The following TPD52 variants were observed in gnomAD, a reference collection of about 807,000 sequenced individuals.
The protein encoded by TPD52 is tumor protein D52, also known as prostate and colon associated protein.
A neutral mutation model predicts 31.3 loss-of-function variants in TPD52; 17 were observed. The observed-to-expected ratio is 0.54, with a 90% CI of 0.37 to 0.82. The LOEUF (loss-of-function observed/expected upper bound fraction) is 0.82, where lower values mean the gene tolerates loss of function less well. TPD52 is among the 40% of genes least tolerant of loss of function. TPD52 has a pLI of 0.00. For missense variants in TPD52, 212 were observed against 240.1 expected, an observed-to-expected ratio of 0.88 and a Z score of 0.77; for synonymous variants, 83 against 89.6, an observed-to-expected ratio of 0.93 and a Z score of 0.42.
chr8:80,103,697 G>A (rs1193997451), intron 1 of TPD52, among the ~76,000 whole-genome samples: 2 of 152,158 alleles, frequency 1.3e-5, no homozygotes, highest in African/African-American at 2.4e-5. Context: ...TAACACTAGC[G>A]TCAAGTTCTC....
chr8:80,120,774 T>C (rs1397149756), intron 1 of TPD52, among the ~76,000 whole-genome samples: 1 of 152,152 alleles, frequency 6.6e-6, no homozygotes, highest in Non-Finnish European at 1.5e-5. Context: ...ATAATATTCA[T>C]TTGTCATTTA....
At chr8:80,073,389 C>T (rs1814153322) in intron 1 of TPD52, among the ~76,000 whole-genome samples, 1 of 152,186 alleles carries the variant, frequency 6.6e-6, no homozygotes, top group South Asian at 2.1e-4. Context: ...TTTCCAGGTC[C>T]CATTAGCTTA....
intron 1 of TPD52, among the ~76,000 whole-genome samples, chr8:80,127,351 C>T (rs1469344297): frequency 6.6e-6 from 1 of 152,126 alleles, no homozygotes; most frequent in African/African-American, 2.4e-5. Context: ...CGTTCACGTT[C>T]ATGTATATTT....
intron 1 of TPD52, among the ~76,000 whole-genome samples, chr8:80,081,586 G>A (rs1253355967): frequency 1.3e-5 from 2 of 151,826 alleles, no homozygotes; most frequent in African/African-American, 4.8e-5. Flanking sequence ...TAAAAAAAAA[G>A]AGCTCAGATA....
intron 1 of TPD52, among the ~76,000 whole-genome samples, chr8:80,150,299 C>T (rs534646294): frequency 2.4e-4 from 37 of 152,336 alleles, no homozygotes; most frequent in African/African-American, 6.5e-4. Context: ...TGTGTGGAAA[C>T]GCCTGGATGT....
downstream of TPD52, among the ~76,000 whole-genome samples, chr8:80,032,260 T>C (rs1809713690): frequency 6.6e-6 from 1 of 152,002 alleles, no homozygotes; most frequent in African/African-American, 2.4e-5. Context: ...TGAGAGGGAC[T>C]GTAAAGAACT....
chr8:80,092,605 T>C (rs1028709658), intron 1 of TPD52, among the ~76,000 whole-genome samples: 1 of 152,186 alleles, frequency 6.6e-6, no homozygotes, highest in Non-Finnish European at 1.5e-5. Context: ...AAATGAATCT[T>C]GTCATTTGCA....
intron 1 of TPD52, chr8:80,158,374 G>T (rs997887901): frequency 7.9e-5 from 12 of 152,098 alleles, no homozygotes; most frequent in African/African-American, 2.9e-4. Context: ...GATAATGGGG[G>T]TGAGGGAGAT....
chr8:80,086,995 C>T (rs1194138908), intron 1 of TPD52, among the ~76,000 whole-genome samples: 3 of 151,184 alleles, frequency 2.0e-5, no homozygotes, highest in Non-Finnish European at 2.9e-5. Context: ...TAGGGGCAGA[C>T]GCCATGATAT....
chr8:80,098,933 C>T (rs954879783), intron 1 of TPD52, among the ~76,000 whole-genome samples: 1 of 152,156 alleles, frequency 6.6e-6, no homozygotes, highest in Non-Finnish European at 1.5e-5. Context: ...CCTCCAGCAA[C>T]AAAAAACATT....
In TPD52 at chr8:80,042,878, T is replaced by A. The variant is rs1274594733; in HGVS notation, c.456-210A>T. 6.7e-6 allele frequency: 3 copies of A among 446,220 alleles called. No individual in the cohort carries two copies. The East Asian group carries it at 1.1e-4, about 16-fold the overall frequency. 27.6% of individuals were successfully genotyped at this position (446,220 alleles called of 1,614,324 possible). On this transcript the variant is annotated intron_variant, in intron 6 of 7. Transcript: ENST00000518937. ...AATATTTTAAGAGTATGCATTTGAT[T>A]CCATGAACAGGGCCAGTCTCAGACA... is the stretch of plus-strand genomic sequence containing the variant.
intron 1 of TPD52, chr8:80,080,587 C>T: frequency 9.3e-6 from 13 of 1,404,858 alleles, no homozygotes; most frequent in Non-Finnish European, 1.2e-5. Context: ...GAGGCCCTGG[C>T]TTCTGGGCCC....
chr8:80,145,009 T>G (rs527655951), intron 1 of TPD52, among the ~76,000 whole-genome samples: 1 of 152,218 alleles, frequency 6.6e-6, no homozygotes, highest in Non-Finnish European at 1.5e-5. Context: ...AATTCATTTC[T>G]ACACACCACA....
At chr8:80,145,801 C>G (rs1810151912) in intron 1 of TPD52, among the ~76,000 whole-genome samples, 1 of 152,126 alleles carries the variant, frequency 6.6e-6, no homozygotes, top group Non-Finnish European at 1.5e-5. Context: ...AGGGAAAAAA[C>G]CCACAGTGTT....
At chr8:80,157,699 A>G (rs777785286) in intron 1 of TPD52, among the ~76,000 whole-genome samples, 5 of 152,130 alleles carry the variant, frequency 3.3e-5, no homozygotes, top group African/African-American at 1.2e-4. Context: ...CATTACTACA[A>G]TTTCACCCAA....
intron 1 of TPD52, among the ~76,000 whole-genome samples, chr8:80,139,322 T>C (rs1586377255): frequency 6.6e-6 from 1 of 152,194 alleles, no homozygotes; most frequent in Non-Finnish European, 1.5e-5. Context: ...TTTTAGTATA[T>C]TCACAGAGTT....
At position 80,077,252 on chromosome 8, in the gene TPD52, G is replaced by C. The variant is rs946566074; in HGVS notation, c.20-12659C>G. Among the ~76,000 whole-genome samples, 3 of 149,930 alleles carry C rather than the reference G, an allele frequency of 2.0e-5. No homozygotes were observed. In the East Asian group the frequency reaches 6.0e-4, roughly 30 times the overall value. ...GTTGCACCACTGCACTCCAGCCTGG[G>C]CGACAGAGCAAGACTCTGTCTCAAA... On this transcript the variant is annotated intron_variant, in intron 1 of 7. Coordinates refer to ENST00000518937, the MANE Select transcript of TPD52 (RefSeq NM_001025253.3).
At chr8:80,121,570 T>G (rs1461430651) in intron 1 of TPD52, among the ~76,000 whole-genome samples, 1 of 152,198 alleles carries the variant, frequency 6.6e-6, no homozygotes, top group Non-Finnish European at 1.5e-5. Flanking sequence ...CCATCCAAAC[T>G]AATCCCCTGA....
chr8:80,139,184 G>A (rs1374577301), intron 1 of TPD52, among the ~76,000 whole-genome samples: 6 of 152,224 alleles, frequency 3.9e-5, no homozygotes. Context: ...CACTGGCAGG[G>A]AGGGGAGAAA....
Sources: gnomAD v4.1 joint callset for allele counts (sites outside exome capture counted in the v4.1 genomes callset) on GRCh38, gnomAD v4.1.1 for gene constraint, MANE v1.5 for transcripts, NCBI Gene and HGNC (gene_info 2026-07-23, HGNC 2026-07-21) for gene names.